The following FAT3 variants were observed in gnomAD, a reference collection of about 807,000 sequenced individuals.
FAT3 encodes the protein FAT atypical cadherin 3, also known as protocadherin Fat 3.
FAT3 carries 95 observed loss-of-function variants against 310.2 expected under a neutral mutation model. That is an observed-to-expected ratio of 0.31 (90% CI 0.26 to 0.36). The LOEUF is 0.36. Ranked by LOEUF, FAT3 falls within the 10% of genes least tolerant of loss-of-function variation. FAT3 has a pLI of 1.00. For synonymous variants in FAT3, 2,314 were observed against 2,192.9 expected (o/e 1.06, Z -1.54); for missense variants, 5,408 against 5,715.6 (o/e 0.95, Z 1.74).
chr11:92,865,598 G>T (rs908029475), intron 21 of FAT3, among the ~76,000 whole-genome samples: 2 of 152,170 alleles, frequency 1.3e-5, no homozygotes, highest in African/African-American at 4.8e-5. Context: ...ACAATTTTTG[G>T]CTGTGAATCC....
chr11:92,504,671 C>T (rs1367766334), intron 2 of FAT3, among the ~76,000 whole-genome samples: 1 of 152,060 alleles, frequency 6.6e-6, no homozygotes, highest in Non-Finnish European at 1.5e-5. Flanking sequence ...ATTTCCCCAA[C>T]AAGATTTACC....
intron 19 of FAT3, among the ~76,000 whole-genome samples, chr11:92,849,440 T>A (rs1488334537): frequency 6.6e-6 from 1 of 152,228 alleles, no homozygotes; most frequent in East Asian, 1.9e-4. Flanking sequence ...TCACATCATC[T>A]AGCTGTATCC....
intron 1 of FAT3, among the ~76,000 whole-genome samples, chr11:92,343,274 G>A (rs982909180): frequency 3.3e-5 from 5 of 152,242 alleles, no homozygotes; most frequent in Middle Eastern, 3.4e-3. Context: ...GGTTTTGGTC[G>A]TAGTCTACTT....
intron 3 of FAT3, among the ~76,000 whole-genome samples, chr11:92,625,080 C>T (rs1252198479): frequency 6.6e-6 from 1 of 152,112 alleles, no homozygotes; most frequent in Non-Finnish European, 1.5e-5. Flanking sequence ...ACAATTTAAC[C>T]CATCATGGTG....
At chr11:92,328,525 G>A (rs866317753) in intron 1 of FAT3, among the ~76,000 whole-genome samples, 2 of 152,160 alleles carry the variant, frequency 1.3e-5, no homozygotes, top group Admixed American at 6.5e-5. Context: ...GAACCTCAGG[G>A]ATTAATCAGA....
chr11:92,613,247 C>T (rs1940649672), intron 3 of FAT3, among the ~76,000 whole-genome samples: 2 of 152,274 alleles, frequency 1.3e-5, no homozygotes, highest in Admixed American at 6.5e-5. Flanking sequence ...TGAGGCCATT[C>T]ACAGGTGTGA....
intron 3 of FAT3, among the ~76,000 whole-genome samples, chr11:92,674,033 T>G (rs974385111): frequency 1.3e-4 from 19 of 151,776 alleles, no homozygotes; most frequent in African/African-American, 4.6e-4. Context: ...ATACAAAAAT[T>G]AGCCGGGTGT....
chr11:92,391,682 A>G (rs939050767), intron 2 of FAT3, among the ~76,000 whole-genome samples: 3 of 152,194 alleles, frequency 2.0e-5, no homozygotes, highest in Non-Finnish European at 4.4e-5. Flanking sequence ...TCAGTTAATG[A>G]CAAATGTGGA....
intron 1 of FAT3, among the ~76,000 whole-genome samples, chr11:92,271,278 G>A (rs1212077290): frequency 6.6e-6 from 1 of 152,002 alleles, no homozygotes; most frequent in Non-Finnish European, 1.5e-5. Flanking sequence ...TGAATCCCTA[G>A]TCTCTGGGCC....
rs1591853981 is a variant in FAT3 at position 92,883,911 on chromosome 11, C to T, written c.12937+518C>T. 6.6e-6 allele frequency among the ~76,000 whole-genome samples: 1 copy of T among 151,998 alleles called. No individual in the cohort carries two copies. The highest frequency in any genetic ancestry group is 2.4e-5 in the African/African-American group (1 of 41,368). On this transcript the variant is annotated intron_variant, in intron 24 of 27. Transcript: ENST00000525166. This position sits in a 1 kb window ranked among gnomAD's most constrained non-coding sequence, Gnocchi z 4.2. ...AAGCAGAGGGACACTTCAATTGGAC[C>T]ATGATGAGTTAAAGAGTCTGGGGAA...
chr11:92,733,706 C>T (rs1040569750), intron 4 of FAT3, among the ~76,000 whole-genome samples: 2 of 151,904 alleles, frequency 1.3e-5, no homozygotes, highest in African/African-American at 4.8e-5. Flanking sequence ...TTGAGTTTGG[C>T]ACGTTATGTT....
chr11:92,241,326 A>T (rs954301606), intron 1 of FAT3, among the ~76,000 whole-genome samples: 25 of 152,068 alleles, frequency 1.6e-4, no homozygotes, highest in Non-Finnish European at 2.9e-5. Flanking sequence ...TTAGCATTGC[A>T]GGCACCTCAG....
chr11:92,356,268 G>A (rs984411774), intron 2 of FAT3, among the ~76,000 whole-genome samples: 1 of 152,068 alleles, frequency 6.6e-6, no homozygotes, highest in Non-Finnish European at 1.5e-5. Flanking sequence ...CTAGATTTTA[G>A]ATTGTAGACA....
intron 7 of FAT3, among the ~76,000 whole-genome samples, chr11:92,783,441 T>G (rs1946807517): frequency 7.2e-6 from 1 of 139,414 alleles, no homozygotes; most frequent in Non-Finnish European, 1.5e-5. Context: ...CAACTACAAA[T>G]GTATATAGAT....
rs116435587 is a variant in FAT3, at chr11:92,696,459, G to T, written c.3608-925G>T. On this transcript the variant is annotated intron_variant, in intron 3 of 27. Coordinates refer to ENST00000525166, the MANE Select transcript of FAT3 (RefSeq NM_001367949.2). ...GTCAAGGGCTCTTTCACAGCCCCTG[G>T]AAATACCTTTCCACATTGCACCTAC... Among the ~76,000 whole-genome samples, 1,173 of 152,044 alleles carry T rather than the reference G, an allele frequency of 7.7e-3. 13 individuals are homozygous for T. Among genetic ancestry groups the T allele is most frequent in the African/African-American group, 0.026 (1,076 of 41,374 alleles).
rs1948589682 is a variant in FAT3 at position 92,352,299 on chromosome 11, A to G, written c.187A>G (p.Asn63Asp). Residue 63 changes from asparagine (N) to aspartate (D), a missense_variant, in exon 2 of 28, where the codon AAC becomes GAC. Around this residue, in one of 5 missense-constraint regions of FAT3, gnomAD observed 152 missense variants for 188.3 expected, o/e 0.81. Transcript: ENST00000525166. ...GAACTCAGCAGCAAGGACCTACGTC[A>G]ACAGCCAGAGTAGAATGGGCATCAC... ...YENSAARTYV[N>D]SQSRMGITLI... 5 of 1,508,092 alleles carry G rather than the reference A, an allele frequency of 3.3e-6. No homozygotes were observed. The highest frequency in any genetic ancestry group is 3.6e-4 in the Middle Eastern group (2 of 5,578). 93.4% of individuals were successfully genotyped at this position (1,508,092 alleles called of 1,614,324 possible).
chr11:92,355,467 A>C, intron 2 of FAT3, 63 bp downstream of exon 2: 1 of 1,482,124 alleles, frequency 6.7e-7, no homozygotes, highest in East Asian at 2.3e-5. Context: ...AACAGTGGAA[A>C]AGTAAAGGGA....
intron 2 of FAT3, among the ~76,000 whole-genome samples, chr11:92,490,607 T>C (rs185416121): frequency 5.2e-4 from 79 of 152,250 alleles, no homozygotes; most frequent in Non-Finnish European, 9.7e-4. Flanking sequence ...GTGATTATTA[T>C]TTCTAATTCA....
intron 1 of FAT3, among the ~76,000 whole-genome samples, chr11:92,313,903 T>G (rs543466562): frequency 1.3e-5 from 2 of 152,340 alleles, no homozygotes; most frequent in East Asian, 3.9e-4. Flanking sequence ...TACTGTGCGA[T>G]TTTGCAGAGC....
Sources: gnomAD v4.1 joint callset for allele counts (sites outside exome capture counted in the v4.1 genomes callset) on GRCh38, gnomAD v4.1.1 for gene constraint, gnomAD v4.1.1 regional missense constraint, Gnocchi (gnomAD v3.1) non-coding constraint, MANE v1.5 for transcripts, NCBI Gene and HGNC (gene_info 2026-07-23, HGNC 2026-07-21) for gene names.